The following MAP2 variants were observed in gnomAD, a reference collection of about 807,000 sequenced individuals.
The protein encoded by MAP2 is microtubule associated protein 2, also known as microtubule-associated protein 2.
Under a neutral mutation model 137.6 loss-of-function variants are expected in MAP2, and 14 were observed. The observed-to-expected ratio is 0.10, with a 90% confidence interval of 0.07 to 0.16. The LOEUF is 0.16. Ranked by LOEUF, MAP2 falls within the 10% of genes least tolerant of loss-of-function variation. The pLI, the probability that MAP2 is intolerant of heterozygous loss-of-function variation, is 1.00. For missense variants in MAP2, 2,088 were observed against 2,191.5 expected, an observed-to-expected ratio of 0.95 and a Z score of 0.94; for synonymous variants, 786 against 782.3, an observed-to-expected ratio of 1.00 and a Z score of -0.08.
intron 13 of MAP2, among the ~76,000 whole-genome samples, chr2:209,721,363 G>A (rs1398267245): frequency 2.0e-5 from 3 of 152,182 alleles, no homozygotes; most frequent in Admixed American, 6.5e-5. Context: ...ATGGAAATAT[G>A]TAAAGAAAGT....
intron 12 of MAP2, among the ~76,000 whole-genome samples, chr2:209,707,326 A>G (rs2153749792): frequency 6.6e-6 from 1 of 152,268 alleles, no homozygotes; most frequent in South Asian, 2.1e-4. Context: ...AGTGAACATA[A>G]CTAACACATT....
intron 3 of MAP2, among the ~76,000 whole-genome samples, chr2:209,584,842 G>A (rs2077304210): frequency 6.6e-6 from 1 of 152,144 alleles, no homozygotes; most frequent in Admixed American, 6.6e-5. Context: ...GGAATGAACA[G>A]CAGAAGGACT....
intron 2 of MAP2, among the ~76,000 whole-genome samples, chr2:209,544,029 A>G (rs896077301): frequency 6.6e-6 from 1 of 152,278 alleles, no homozygotes; most frequent in Middle Eastern, 3.4e-3. Context: ...GGAGATCGAG[A>G]CCATCTTGGC....
intron 1 of MAP2, among the ~76,000 whole-genome samples, chr2:209,502,503 G>A (rs545432612): frequency 9.2e-5 from 14 of 152,246 alleles, no homozygotes; most frequent in African/African-American, 3.4e-4. Flanking sequence ...ATAGACACTG[G>A]TTGTTTTCAT....
chr2:209,477,154 A>C (rs1246728394), intron 1 of MAP2, among the ~76,000 whole-genome samples: 1 of 152,208 alleles, frequency 6.6e-6, no homozygotes, highest in African/African-American at 2.4e-5. Context: ...GTACTGCACA[A>C]GTGTTAGTTT....
At chr2:209,485,200 C>T (rs535602006) in intron 1 of MAP2, among the ~76,000 whole-genome samples, 1 of 152,326 alleles carries the variant, frequency 6.6e-6, no homozygotes, top group East Asian at 1.9e-4. Context: ...TCACATTGGG[C>T]AGCGTTTTGG....
chr2:209,700,473 T>A, intron 11 of MAP2, 135 bp downstream of exon 11: 1 of 668,502 alleles, frequency 1.5e-6, no homozygotes, highest in African/African-American at 1.8e-5. Flanking sequence ...ACCCAGAAGA[T>A]TCTCCGTGGC....
intron 5 of MAP2, among the ~76,000 whole-genome samples, chr2:209,676,720 CATATATATATATATATAT>C (rs56283066): frequency 0.021 from 1,488 of 71,808 alleles, 76 homozygotes; most frequent in African/African-American, 0.11. Flanking sequence ...ACACAAAGGT[CATATATATATATATATAT>C]ATATATATAT....
intron 1 of MAP2, among the ~76,000 whole-genome samples, chr2:209,447,281 T>C (rs1424844565): frequency 6.6e-6 from 1 of 151,962 alleles, no homozygotes; most frequent in Admixed American, 6.6e-5. Context: ...GTCTGCAGAC[T>C]TGATTTTAGG....
chr2:209,499,108 T>G (rs1291227658), intron 1 of MAP2, among the ~76,000 whole-genome samples: 1 of 152,176 alleles, frequency 6.6e-6, no homozygotes, highest in African/African-American at 2.4e-5. Flanking sequence ...TTCTTAATCT[T>G]TTATTTGCTC....
intron 2 of MAP2, among the ~76,000 whole-genome samples, chr2:209,552,886 C>G (rs191983459): frequency 3.9e-5 from 6 of 151,910 alleles, no homozygotes; most frequent in Non-Finnish European, 7.4e-5. Flanking sequence ...AAGAAAAATA[C>G]TTAGTTTGAA....
intron 11 of MAP2, among the ~76,000 whole-genome samples, chr2:209,703,482 T>A (rs1374533418): frequency 6.6e-6 from 1 of 152,068 alleles, no homozygotes; most frequent in Non-Finnish European, 1.5e-5. Context: ...ATTATAAAAC[T>A]TATGAATTAA....
intron 13 of MAP2, among the ~76,000 whole-genome samples, chr2:209,719,844 C>A (rs947427410): frequency 1.3e-5 from 2 of 152,098 alleles, no homozygotes; most frequent in African/African-American, 4.8e-5. Context: ...TGCTATATGA[C>A]CCTTATGTGA....
At chr2:209,709,801 T>C in intron 12 of MAP2, 113 bp from the exon 13 acceptor site, 3 of 769,794 alleles carry the variant, frequency 3.9e-6, no homozygotes, top group Non-Finnish European at 4.1e-6. Context: ...TAACTGTTTC[T>C]AAATACCTTA....
intron 7 of MAP2, among the ~76,000 whole-genome samples, chr2:209,682,710 G>A (rs915808282): frequency 2.6e-5 from 4 of 152,048 alleles, no homozygotes; most frequent in Non-Finnish European, 5.9e-5. Flanking sequence ...ATAGAAAAAA[G>A]CACAAGGGCG....
intron 1 of MAP2, among the ~76,000 whole-genome samples, chr2:209,491,815 C>G (rs1170878954): frequency 6.6e-6 from 1 of 151,960 alleles, no homozygotes; most frequent in Non-Finnish European, 1.5e-5. Context: ...AGGCTACCAA[C>G]CAAAAAAAAC....
At chr2:209,506,142 A>G (rs145164240) in intron 1 of MAP2, among the ~76,000 whole-genome samples, 101 of 152,292 alleles carry the variant, frequency 6.6e-4, no homozygotes, top group Non-Finnish European at 1.3e-3. Context: ...TAGATATACT[A>G]AAGGCATTAA....
intron 1 of MAP2, among the ~76,000 whole-genome samples, chr2:209,434,920 T>TTA (rs551671816): frequency 1.8e-4 from 24 of 136,890 alleles, no homozygotes; most frequent in East Asian, 5.9e-4. Context: ...TATATATATG[T>TTA]TATATATATA....
chr2:209,470,682 C>T (rs2149706917), intron 1 of MAP2, among the ~76,000 whole-genome samples: 1 of 152,166 alleles, frequency 6.6e-6, no homozygotes, highest in South Asian at 2.1e-4. Flanking sequence ...TCATAGCTCC[C>T]ATGCACCATG....
Sources: allele counts gnomAD v4.1 joint callset (sites outside exome capture counted in the v4.1 genomes callset), GRCh38; gene constraint gnomAD v4.1.1; transcripts MANE v1.5; gene names NCBI Gene and HGNC (gene_info 2026-07-23, HGNC 2026-07-21).